PRIM2: variants seen among roughly 807,000 people sequenced by gnomAD.
The protein encoded by PRIM2 is DNA primase subunit 2, also known as DNA primase large subunit.
A neutral mutation model predicts 67.3 loss-of-function variants in PRIM2; 39 were observed. The observed-to-expected ratio is 0.58, with a 90% CI of 0.45 to 0.76. The LOEUF (loss-of-function observed/expected upper bound fraction) is 0.76. PRIM2 is among the 30% of genes least tolerant of loss of function. The pLI, the probability that PRIM2 is intolerant of heterozygous loss-of-function variation, is 0.00. For missense variants in PRIM2, 398 were observed against 598.7 expected (o/e 0.66, Z 3.50); for synonymous variants, 143 against 198.7 (o/e 0.72, Z 2.36).
chr6:57,276,388 C>G, the PRIM2 span, among the ~76,000 whole-genome samples: 3 of 151,198 alleles, frequency 2.0e-5, no homozygotes, highest in East Asian at 5.8e-4. Context: ...GAGACTGTCT[C>G]AAATAAAATA....
chr6:57,465,547 A>G (rs1581934858), intron 7 of PRIM2, among the ~76,000 whole-genome samples: 2 of 152,308 alleles, frequency 1.3e-5, no homozygotes, highest in East Asian at 1.9e-4. Flanking sequence ...AGTATAAAGC[A>G]TGGACTCTCG....
intron 5 of PRIM2, among the ~76,000 whole-genome samples, chr6:57,341,095 G>T (rs1367446086): frequency 6.6e-6 from 1 of 152,156 alleles, no homozygotes; most frequent in Admixed American, 6.5e-5. Context: ...AAACTTGAAA[G>T]ATTGGCTGAA....
chr6:57,362,679 C>CTT (rs5876543), intron 5 of PRIM2, among the ~76,000 whole-genome samples: 8 of 146,374 alleles, frequency 5.5e-5, no homozygotes, highest in East Asian at 2.0e-4. Context: ...AAATTACTTC[C>CTT]TTTTTTTTTT....
chr6:57,512,956 A>G (rs1276102704), intron 8 of PRIM2, among the ~76,000 whole-genome samples: 3 of 152,186 alleles, frequency 2.0e-5, no homozygotes, highest in East Asian at 3.9e-4. Flanking sequence ...CCTCTCCTCA[A>G]AAGAGATGAA....
At chr6:57,635,905 C>T (rs1352675614) in intron 13 of PRIM2, among the ~76,000 whole-genome samples, 1 of 152,272 alleles carries the variant, frequency 6.6e-6, no homozygotes, top group East Asian at 1.9e-4. Flanking sequence ...ATTTCAGGAA[C>T]CTGCTTTTTA....
intron 7 of PRIM2, among the ~76,000 whole-genome samples, chr6:57,395,957 A>G (rs1770502816): frequency 6.6e-6 from 1 of 152,126 alleles, no homozygotes; most frequent in Non-Finnish European, 1.5e-5. Flanking sequence ...ATGTATTTGC[A>G]TGATTTTGAA....
chr6:57,260,624 T>G, the PRIM2 span, among the ~76,000 whole-genome samples: 1 of 152,184 alleles, frequency 6.6e-6, no homozygotes, highest in East Asian at 1.9e-4. Flanking sequence ...TGCATAAATT[T>G]TAAGTTTACA....
At chr6:57,424,310 C>G (rs770587193) in intron 7 of PRIM2, among the ~76,000 whole-genome samples, 2 of 152,098 alleles carry the variant, frequency 1.3e-5, no homozygotes, top group Non-Finnish European at 2.9e-5. Context: ...TAGTACATTT[C>G]TAGCCAAAGT....
At chr6:57,588,926 C>T (rs1474084350) in intron 10 of PRIM2, among the ~76,000 whole-genome samples, 16 of 152,110 alleles carry the variant, frequency 1.1e-4, no homozygotes, top group African/African-American at 3.6e-4. Flanking sequence ...ATGGTGATAG[C>T]CACAGTTTCA....
At chr6:57,494,980 C>A (rs1171745428) in intron 7 of PRIM2, among the ~76,000 whole-genome samples, 7 of 152,032 alleles carry the variant, frequency 4.6e-5, no homozygotes, top group African/African-American at 1.7e-4. Context: ...TCTGTGTTAG[C>A]AATGGAAATT....
the PRIM2 span, among the ~76,000 whole-genome samples, chr6:57,293,974 A>G: frequency 6.6e-6 from 1 of 152,258 alleles, no homozygotes; most frequent in Non-Finnish European, 1.5e-5. Flanking sequence ...AATTTAAAAA[A>G]AAGAAAAAAG....
chr6:57,418,417 T>TTA (rs1271452102), intron 7 of PRIM2, among the ~76,000 whole-genome samples: 3 of 127,232 alleles, frequency 2.4e-5, no homozygotes, highest in African/African-American at 6.3e-5. Flanking sequence ...TTTTTTTTTT[T>TTA]AACAGATTCT....
At chr6:57,507,975 C>T (rs1237788325) in intron 8 of PRIM2, among the ~76,000 whole-genome samples, 2 of 152,220 alleles carry the variant, frequency 1.3e-5, no homozygotes, top group East Asian at 1.9e-4. Flanking sequence ...CTTGCTCTGT[C>T]GCCCAGGCTA....
chr6:57,627,308 A>AAAAAAAAAAAAG (rs1776966603), intron 12 of PRIM2, among the ~76,000 whole-genome samples: 1 of 143,130 alleles, frequency 7.0e-6, no homozygotes, highest in African/African-American at 2.6e-5. Flanking sequence ...AAAAAAAAAA[A>AAAAAAAAAAAAG]GTTTAAAAAT....
chr6:57,382,109 A>G lies in PRIM2; in HGVS notation c.634A>G (p.Lys212Glu). The G allele has an allele frequency of 1.2e-6, 2 of 1,613,368 alleles. No homozygotes were observed. Among genetic ancestry groups the G allele is most frequent in the South Asian group, 2.2e-5 (2 of 91,014 alleles). The change falls in exon 7 of 14, where the codon AAG (lysine) becomes GAG (glutamate). Residue 212 changes from lysine (K) to glutamate (E), a missense_variant. Around this residue, in one of 4 missense-constraint regions of PRIM2, gnomAD observed 229 missense variants for 383.6 expected, o/e 0.60. Transcript: ENST00000615550. Reference sequence around the variant, plus strand: ...AGATGGCTTTGCTTACGTACCACTTAAGGACATTGTGGCAATCATCCTGAA... The same window carrying G: ...AGATGGCTTTGCTTACGTACCACTTGAGGACATTGTGGCAATCATCCTGAA... ...LEDGFAYVPLKDIVAIILNEF... is the reference protein window; with the variant it reads ...LEDGFAYVPLEDIVAIILNEF...
At chr6:57,309,884 T>C (rs1335570224), upstream of PRIM2, among the ~76,000 whole-genome samples, 1 of 152,158 alleles carries the variant, frequency 6.6e-6, no homozygotes, top group Non-Finnish European at 1.5e-5. Context: ...GGTATCTCAT[T>C]ATGGACTTCA....
At chr6:57,341,253 C>A (rs1768477001) in intron 5 of PRIM2, among the ~76,000 whole-genome samples, 1 of 151,924 alleles carries the variant, frequency 6.6e-6, no homozygotes, top group South Asian at 2.1e-4. Flanking sequence ...GGTAGTCCTC[C>A]TAGGGTGTTT....
intron 12 of PRIM2, among the ~76,000 whole-genome samples, chr6:57,626,110 A>C (rs1338827962): frequency 6.6e-6 from 1 of 152,234 alleles, no homozygotes; most frequent in Non-Finnish European, 1.5e-5. Context: ...CACATATCTA[A>C]TTGGTGAGTA....
chr6:57,367,812 A>G (rs940992027), intron 5 of PRIM2, among the ~76,000 whole-genome samples: 2 of 152,222 alleles, frequency 1.3e-5, no homozygotes, highest in Non-Finnish European at 2.9e-5. Context: ...CTCCAAGTGA[A>G]CAAGGCAGAA....
Sources: allele counts gnomAD v4.1 joint callset (sites outside exome capture counted in the v4.1 genomes callset), GRCh38; gene constraint gnomAD v4.1.1; regional missense constraint gnomAD v4.1.1; transcripts MANE v1.5; gene names NCBI Gene and HGNC (gene_info 2026-07-23, HGNC 2026-07-21).